The following MYLK variants were observed in gnomAD, a reference collection of about 807,000 sequenced individuals.
MYLK encodes the protein myosin light chain kinase.
MYLK carries 106 observed loss-of-function variants against 203.4 expected under a neutral mutation model. The observed-to-expected ratio is 0.52, with a 90% CI of 0.45 to 0.61. The LOEUF is 0.61. MYLK is among the 20% of genes least tolerant of loss of function. The pLI is 0.00. For missense variants in MYLK, 2,072 were observed against 2,442.3 expected, an observed-to-expected ratio of 0.85 and a Z score of 3.20; for synonymous variants, 867 against 959.5, an observed-to-expected ratio of 0.90 and a Z score of 1.78.
At chr3:123,809,862 A>T (rs917668917) in intron 3 of MYLK, among the ~76,000 whole-genome samples, 1 of 152,204 alleles carries the variant, frequency 6.6e-6, no homozygotes, top group Non-Finnish European at 1.5e-5. Flanking sequence ...AGGAAATTCC[A>T]GAAGTTCATA....
At chr3:123,708,196 G>A (rs1247383759) in intron 15 of MYLK, among the ~76,000 whole-genome samples, 193 bp from the exon 16 acceptor site, 1 of 152,202 alleles carries the variant, frequency 6.6e-6, no homozygotes, top group African/African-American at 2.4e-5. Context: ...TACATTCTCA[G>A]AGGATAATAT....
Position 123,868,427 on chromosome 3 carries a change from C to T in MYLK, c.-127+8132G>A, listed in dbSNP as rs148740394. Among the ~76,000 whole-genome samples the T allele has an allele frequency of 5.7e-3, 872 of 152,228 alleles. 11 individuals carry two copies. Among genetic ancestry groups the T allele is most frequent in the Non-Finnish European group, 7.0e-3 (475 of 68,000 alleles). On this transcript the variant is annotated intron_variant, in intron 2 of 33. Transcript: ENST00000360304. ...TTGTGGAACAATTAAAATAGAGTAT[C>T]GTAATAATACCCAACATTTTCTGAG...
chr3:123,862,869 T>A (rs781666631), intron 2 of MYLK, among the ~76,000 whole-genome samples: 4 of 152,152 alleles, frequency 2.6e-5, no homozygotes, highest in Non-Finnish European at 2.9e-5. Context: ...CACTCAGGTA[T>A]CCCATGGGCT....
At chr3:123,672,207 G>GGAGAGAGAGAGAGAGAGA (rs3085308) in intron 20 of MYLK, among the ~76,000 whole-genome samples, 1 of 146,444 alleles carries the variant, frequency 6.8e-6, no homozygotes, top group South Asian at 2.2e-4. Flanking sequence ...GGCAGGGGGA[G>GGAGAGAGAGAGAGAGAGA]GAGAGAGAGA....
intron 1 of MYLK, among the ~76,000 whole-genome samples, chr3:123,879,626 TTTG>T (rs1181514494): frequency 5.3e-5 from 8 of 152,148 alleles, no homozygotes; most frequent in African/African-American, 1.4e-4. Flanking sequence ...ACCTTTGTTT[TTTG>T]TTGTTGTTGT....
At chr3:123,838,532 A>T (rs1171770414) in intron 2 of MYLK, among the ~76,000 whole-genome samples, 1 of 152,196 alleles carries the variant, frequency 6.6e-6, no homozygotes, top group Non-Finnish European at 1.5e-5. Flanking sequence ...TAATTGCTCT[A>T]AAAGATGATT....
intron 18 of MYLK, among the ~76,000 whole-genome samples, chr3:123,699,407 C>G (rs771159114): frequency 6.6e-6 from 1 of 152,194 alleles, no homozygotes; most frequent in East Asian, 1.9e-4. Flanking sequence ...AAGCGAGTAG[C>G]TCTGTCTGCC....
chr3:123,631,432 C>T (rs1336337403), intron 29 of MYLK, among the ~76,000 whole-genome samples: 1 of 151,928 alleles, frequency 6.6e-6, no homozygotes, highest in African/African-American at 2.4e-5. Flanking sequence ...GGTCTGGGGC[C>T]CTCCTGCCAT....
chr3:123,883,918 C>T (rs1050797043), intron 1 of MYLK, among the ~76,000 whole-genome samples: 2 of 152,148 alleles, frequency 1.3e-5, no homozygotes, highest in African/African-American at 4.8e-5. Context: ...TCCGCTTCTC[C>T]TCCGCCCCTC....
chr3:123,784,851 A>T (rs2064449482), intron 4 of MYLK, among the ~76,000 whole-genome samples: 1 of 152,172 alleles, frequency 6.6e-6, no homozygotes, highest in Non-Finnish European at 1.5e-5. Flanking sequence ...CAAGCCCCAC[A>T]TGGGGAATGT....
intron 4 of MYLK, among the ~76,000 whole-genome samples, chr3:123,768,862 C>T (rs1405497058): frequency 6.6e-5 from 10 of 152,164 alleles, no homozygotes; most frequent in African/African-American, 1.7e-4. Flanking sequence ...CAGAGCCAAG[C>T]GAGGAGCAAT....
At chr3:123,721,948 T>G (rs1398962202) in intron 13 of MYLK, among the ~76,000 whole-genome samples, 180 bp downstream of exon 13, 4 of 151,812 alleles carry the variant, frequency 2.6e-5, no homozygotes, top group Non-Finnish European at 5.9e-5. Flanking sequence ...CCCTAAGAGG[T>G]TGCAGCAGCC....
chr3:123,790,540 A>T (rs2064738564), intron 4 of MYLK, among the ~76,000 whole-genome samples: 1 of 152,216 alleles, frequency 6.6e-6, no homozygotes, highest in African/African-American at 2.4e-5. Flanking sequence ...GGTGCCTGTT[A>T]TCCCATCTTA....
Position 123,667,280 on chromosome 3 carries a change from C to G in MYLK, c.3653-93G>C. On this transcript the variant is annotated intron_variant, in intron 20 of 33. Transcript: ENST00000360304. ...GAAGATGCAGTCTTGTCCACTGGCC[C>G]CTCATCCAGGGAGGACTCTTATTTG... 7 of 1,225,242 alleles carry G rather than the reference C, an allele frequency of 5.7e-6. No individual in the cohort carries two copies. In the South Asian group the frequency reaches 8.8e-5, roughly 15 times the overall value. 75.9% of individuals were successfully genotyped at this position (1,225,242 alleles called of 1,614,324 possible). A position where few individuals can be genotyped will look rare whatever the true frequency, so the allele number is the denominator to read the frequency against.
chr3:123,735,804 C>G (rs950943092), intron 8 of MYLK: 1 of 189,138 alleles, frequency 5.3e-6, no homozygotes, highest in Non-Finnish European at 1.1e-5. Context: ...AAAGAAAAAA[C>G]ATAAAATACA....
intron 20 of MYLK, among the ~76,000 whole-genome samples, chr3:123,674,767 C>G (rs927194917): frequency 1.3e-5 from 2 of 152,246 alleles, no homozygotes; most frequent in African/African-American, 4.8e-5. Flanking sequence ...ATGCTGGGCC[C>G]TCTTCTCTTG....
intron 14 of MYLK, chr3:123,709,503 A>T: frequency 2.0e-6 from 1 of 502,254 alleles, no homozygotes; most frequent in South Asian, 2.0e-5. Flanking sequence ...TATATTTTCA[A>T]ATTAATCTTT....
At position 123,819,451 on chromosome 3, in the gene MYLK, A is replaced by G. The variant is rs191702302; in HGVS notation, c.-4+12097T>C. Among the ~76,000 whole-genome samples, 3 of 152,296 alleles carry G rather than the reference A, an allele frequency of 2.0e-5. No homozygotes were observed. The East Asian group carries it at 5.8e-4, about 29-fold the overall frequency. On this transcript the variant is annotated intron_variant, in intron 3 of 33. Transcript: ENST00000360304. ...GTTCTGATTACTGTTACTGTTGTGA[A>G]TCATAAAGTCCCTTATCTCTACCCC...
intron 4 of MYLK, among the ~76,000 whole-genome samples, chr3:123,783,257 C>A (rs1335794321): frequency 6.6e-6 from 1 of 152,134 alleles, no homozygotes; most frequent in Non-Finnish European, 1.5e-5. Flanking sequence ...TAACATTCTG[C>A]CAATCTAAGC....
Sources: allele counts gnomAD v4.1 joint callset (sites outside exome capture counted in the v4.1 genomes callset), GRCh38; gene constraint gnomAD v4.1.1; transcripts MANE v1.5; gene names NCBI Gene and HGNC (gene_info 2026-07-23, HGNC 2026-07-21).